Variants in FLYWCH1 observed in about 807,000 individuals in gnomAD.
The protein encoded by FLYWCH1 is FLYWCH-type zinc finger-containing protein 1.
In FLYWCH1, 75 loss-of-function variants were observed where a neutral mutation model predicts 66.4. That is an observed-to-expected ratio of 1.13 (90% CI 0.94 to 1.37). The LOEUF (loss-of-function observed/expected upper bound fraction) is 1.37. Ranked by LOEUF, FLYWCH1 falls within the 40% of genes most tolerant of loss-of-function variation. The pLI is 0.00. For synonymous variants in FLYWCH1, 595 were observed against 429.9 expected (o/e 1.38, Z -4.75); for missense variants, 1,334 against 1,001.8 (o/e 1.33, Z -4.48).
chr16:2,916,993 A>T (rs567285967), intron 2 of FLYWCH1, among the ~76,000 whole-genome samples: 6 of 134,196 alleles, frequency 4.5e-5, no homozygotes, highest in East Asian at 2.0e-4. Flanking sequence ...AAAAAAAAAA[A>T]AAAATAACAA....
chr16:2,945,798 C>T (rs970749770), intron 9 of FLYWCH1, among the ~76,000 whole-genome samples: 1 of 152,056 alleles, frequency 6.6e-6, no homozygotes. Flanking sequence ...GAGATCAAGA[C>T]CATCCTGGCT....
chr16:2,931,742 G>T (rs1353617345), intron 4 of FLYWCH1, among the ~76,000 whole-genome samples: 1 of 150,004 alleles, frequency 6.7e-6, no homozygotes, highest in African/African-American at 2.5e-5. Flanking sequence ...GGCTGAGGTG[G>T]GCGGATCATG....
rs1057291391 is a variant in FLYWCH1, at chr16:2,929,970, C to T, written c.285C>T (p.Ala95=). 4 of 1,610,808 alleles carry T rather than the reference C, an allele frequency of 2.5e-6. No homozygotes were observed. The African/African-American group carries it at 5.3e-5, about 22-fold the overall frequency. ...AGCAGGGAGGGGTGGTCCAGCCAGC[C>T]CTAGAGATGCCTGAACAGAAGTGCA... is the stretch of plus-strand genomic sequence containing the variant. ...VEEQGGVVQP[A]LEMPEQKCSK... Residue 95 remains alanine, a synonymous_variant, in exon 3 of 10, where the codon GCC becomes GCT. Coordinates refer to ENST00000253928, the MANE Select transcript of FLYWCH1 (RefSeq NM_001308068.2).
chr16:2,918,489 G>C (rs1357519329), intron 2 of FLYWCH1, among the ~76,000 whole-genome samples: 2 of 149,284 alleles, frequency 1.3e-5, no homozygotes, highest in African/African-American at 2.5e-5. Flanking sequence ...TGCCCAGGCT[G>C]GAGTGCAATG....
Position 2,916,680 on chromosome 16 carries a change from AT to A in FLYWCH1, c.-74+2394del, listed in dbSNP as rs144658827. ...AAAAAATAAAAAAAAGAAAAAAGAA[AT>A]TTAAAAATTCGTTGTTTGATATCCT... is the stretch of plus-strand genomic sequence containing the variant. On this transcript the variant is annotated intron_variant, in intron 2 of 9. Transcript: ENST00000253928. Among the ~76,000 whole-genome samples, 1,114 of 152,046 alleles carry A rather than the reference AT, an allele frequency of 7.3e-3. 12 individuals are homozygous for A. Among genetic ancestry groups the A allele is most frequent in the African/African-American group, 0.026 (1,081 of 41,498 alleles).
In FLYWCH1 at chr16:2,930,598, C is replaced by A; in HGVS notation, c.514C>A (p.His172Asn). 1 of 1,553,008 alleles carries A rather than the reference C, an allele frequency of 6.4e-7. No homozygotes were observed. Among genetic ancestry groups the A allele is most frequent in the Non-Finnish European group, 8.7e-7 (1 of 1,149,442 alleles). ...RGLRATVMRG[H>N]CHAPDEQGLE... ...CCTGCGGGCCACAGTGATGCGGGGCCACTGCCACGCGCCCGATGAGCAAGG... is the reference window on the plus strand; with the variant it reads ...CCTGCGGGCCACAGTGATGCGGGGCAACTGCCACGCGCCCGATGAGCAAGG... The change falls in exon 4 of 10, where the codon CAC becomes AAC. Residue 172 changes from histidine (H) to asparagine (N), a missense_variant. Transcript: ENST00000253928.
chr16:2,925,528 G>A (rs928791090), intron 2 of FLYWCH1, among the ~76,000 whole-genome samples: 8 of 144,222 alleles, frequency 5.5e-5, no homozygotes, highest in African/African-American at 2.0e-4. Flanking sequence ...GCCGGTAGAA[G>A]GACTTGTGCC....
chr16:2,934,029 C>T (rs891263152), intron 6 of FLYWCH1, 50 bp downstream of exon 6: 8 of 1,469,562 alleles, frequency 5.4e-6, no homozygotes, highest in Non-Finnish European at 6.3e-6. Context: ...GGCAGGAGCC[C>T]CACACTGCCT....
At chr16:2,937,827 G>A (rs2150986892) in intron 7 of FLYWCH1, among the ~76,000 whole-genome samples, 1 of 152,288 alleles carries the variant, frequency 6.6e-6, no homozygotes, top group African/African-American at 2.4e-5. Context: ...TGGCTGAGGG[G>A]TAGGTGGACA....
At position 2,929,637 on chromosome 16, in the gene FLYWCH1, C is replaced by A; in HGVS notation, c.-49C>A. The A allele has an allele frequency of 6.4e-7, 1 of 1,562,222 alleles. No homozygotes were observed. Among genetic ancestry groups the A allele is most frequent in the Non-Finnish European group, 8.7e-7 (1 of 1,153,904 alleles). On this transcript the variant is annotated 5_prime_UTR_variant, in exon 3 of 10. Coordinates refer to ENST00000253928, the MANE Select transcript of FLYWCH1 (RefSeq NM_001308068.2). ...GGACGGAACCACTGCACTCCAGGTT[C>A]CTTGCTGGGTGCTGAGCGTGGCCTG...
chr16:2,945,726 G>A (rs34541876), intron 9 of FLYWCH1, among the ~76,000 whole-genome samples: 32,579 of 151,254 alleles, frequency 0.22, 4,334 homozygotes, highest in Non-Finnish European at 0.3. Context: ...GGCCGGGTGC[G>A]GTGGCTCATG....
rs182976411 is a variant in FLYWCH1 at position 2,936,279 on chromosome 16, G to C, written c.1514-842G>C. On this transcript the variant is annotated intron_variant, in intron 6 of 9. Transcript: ENST00000253928. Reference sequence around the variant, plus strand: ...CCCCATGGTCACACCACCCCCTCCCGTGGCCTGGCGTCCCCACCTTCGTCC... The same window carrying C: ...CCCCATGGTCACACCACCCCCTCCCCTGGCCTGGCGTCCCCACCTTCGTCC... 7.6e-6 allele frequency: 3 copies of C among 395,342 alleles called. No individual in the cohort carries two copies. The Admixed American group carries it at 8.9e-5, about 12-fold the overall frequency. The allele number at this position is 395,342 out of a possible 1,614,324, so 24.5% of individuals were successfully genotyped here.
intron 9 of FLYWCH1, among the ~76,000 whole-genome samples, chr16:2,941,293 AAAAC>A (rs199805661): frequency 0.015 from 2,275 of 152,224 alleles, 31 homozygotes; most frequent in Non-Finnish European, 0.021. Flanking sequence ...TGTGTAATTT[AAAAC>A]AAACAAAACA....
chr16:2,916,660 AT>A (rs1329253463), intron 2 of FLYWCH1, among the ~76,000 whole-genome samples: 4 of 151,494 alleles, frequency 2.6e-5, no homozygotes, highest in Admixed American at 2.0e-4. Flanking sequence ...AAAACAAAAA[AT>A]AAAAAAAAGA....
rs1205408557 is a variant in FLYWCH1, at chr16:2,937,473, T to A, written c.1777+89T>A. 6 of 1,397,822 alleles carry A rather than the reference T, an allele frequency of 4.3e-6. No homozygotes were observed. In the East Asian group the frequency reaches 7.5e-5, roughly 17 times the overall value. 86.6% of individuals were successfully genotyped at this position (1,397,822 alleles called of 1,614,324 possible). A position where few individuals can be genotyped will look rare whatever the true frequency, so the allele number is the denominator to read the frequency against. ...GCTGGAGGCTGCCCGTGGGGTGTTGTGTGTTGTGCATGGTGGTCTGACAGC... is the reference window on the plus strand; with the variant it reads ...GCTGGAGGCTGCCCGTGGGGTGTTGAGTGTTGTGCATGGTGGTCTGACAGC... On this transcript the variant is annotated intron_variant, in intron 7 of 9. Coordinates refer to ENST00000253928, the MANE Select transcript of FLYWCH1 (RefSeq NM_001308068.2).
At chr16:2,933,663 C>T in intron 5 of FLYWCH1, 53 bp from the exon 6 acceptor site, 2 of 1,572,042 alleles carry the variant, frequency 1.3e-6, no homozygotes, top group Admixed American at 1.8e-5. Flanking sequence ...GGGGTGCGAT[C>T]AGGCCTACCC....
In FLYWCH1 at chr16:2,948,760, AC is replaced by A; in HGVS notation, c.*36del. 6.2e-7 allele frequency: 1 copy of A among 1,611,248 alleles called. No homozygotes were observed. Among genetic ancestry groups the A allele is most frequent in the South Asian group, 1.1e-5 (1 of 91,010 alleles). Reference sequence around the variant, plus strand: ...TGGGCAGAGGAGCTCCGAGCCGCCCACCCAAGGTGGCTTCACATCCACACAG... The same window carrying A: ...TGGGCAGAGGAGCTCCGAGCCGCCCACCAAGGTGGCTTCACATCCACACAG... On this transcript the variant is annotated 3_prime_UTR_variant, in exon 10 of 10. Transcript: ENST00000253928.
At chr16:2,942,619 G>C (rs2071314522) in intron 9 of FLYWCH1, among the ~76,000 whole-genome samples, 1 of 70,646 alleles carries the variant, frequency 1.4e-5, no homozygotes, top group Non-Finnish European at 2.7e-5. Context: ...TCCCAGGAAT[G>C]CATCAACATG....
chr16:2,926,219 A>G (rs1447031251), intron 2 of FLYWCH1, among the ~76,000 whole-genome samples: 2 of 152,246 alleles, frequency 1.3e-5, no homozygotes, highest in African/African-American at 4.8e-5. Context: ...AATTCTGCCC[A>G]TGGTTTCCAG....
Sources: allele counts gnomAD v4.1 joint callset (sites outside exome capture counted in the v4.1 genomes callset), GRCh38; gene constraint gnomAD v4.1.1; transcripts MANE v1.5; gene names NCBI Gene and HGNC (gene_info 2026-07-23, HGNC 2026-07-21).